DLG1: variants seen among roughly 807,000 people sequenced by gnomAD.
DLG1 encodes discs large MAGUK scaffold protein 1.
In DLG1, 42 loss-of-function variants were observed where a neutral mutation model predicts 123.4. The observed-to-expected ratio is 0.34, with a 90% confidence interval of 0.27 to 0.44. The LOEUF is 0.44. Among genes scored for constraint, DLG1 ranks in the 20% least tolerant of loss-of-function variants. The probability of loss-of-function intolerance (pLI) is 1.00; values close to 1 mark genes in which losing one functional copy is unlikely to be tolerated. For synonymous variants in DLG1, 317 were observed against 356.2 expected, an observed-to-expected ratio of 0.89 and a Z score of 1.24; for missense variants, 942 against 1,082.6, an observed-to-expected ratio of 0.87 and a Z score of 1.82.
chr3:197,164,846 C>T (rs1047708428), intron 5 of DLG1, among the ~76,000 whole-genome samples: 19 of 151,550 alleles, frequency 1.3e-4, no homozygotes, highest in Admixed American at 2.0e-4. Context: ...TGCTTGAACC[C>T]AGCAGGTGGA....
intron 11 of DLG1, among the ~76,000 whole-genome samples, chr3:197,129,584 T>C (rs138199112): frequency 1.3e-5 from 2 of 152,350 alleles, no homozygotes; most frequent in East Asian, 3.9e-4. Flanking sequence ...TTCCTTGGCA[T>C]TCACAACTTG....
At chr3:197,248,896 C>G (rs773697351) in intron 4 of DLG1, among the ~76,000 whole-genome samples, 27 of 152,100 alleles carry the variant, frequency 1.8e-4, no homozygotes, top group Non-Finnish European at 3.4e-4. Flanking sequence ...CTGTTCCTAA[C>G]ACTTGTGCAC....
intron 4 of DLG1, among the ~76,000 whole-genome samples, chr3:197,202,219 G>T (rs895977617): frequency 1.3e-5 from 2 of 152,158 alleles, no homozygotes; most frequent in African/African-American, 4.8e-5. Flanking sequence ...AACAATAAAT[G>T]TAACTGTATT....
At position 197,140,140 on chromosome 3, in the gene DLG1, C is replaced by T. The variant is rs781507202; in HGVS notation, c.713G>A (p.Arg238Gln). 1.4e-5 allele frequency: 22 copies of T among 1,611,550 alleles called. No homozygotes were observed. The highest frequency in any genetic ancestry group is 8.8e-5 in the South Asian group (8 of 90,612). Residue 238 changes from arginine (R) to glutamine (Q), a missense_variant and splice_region_variant, in exon 8 of 25, where the codon CGG (arginine) becomes CAG (glutamine). By Grantham distance (43) the Arg-to-Gln change is conservative (BLOSUM62 1). Coordinates refer to ENST00000667157, the MANE Select transcript of DLG1 (RefSeq NM_001366207.1). ...TCACAATAAAAAGCGCAAAACATAC[C>T]GCAATCTTCCATCTTGGGCGGCTGC... is the stretch of plus-strand genomic sequence containing the variant. ...GGAAAQDGRL[R>Q]VNDCILRVNE...
chr3:197,240,360 G>A lies in DLG1; in HGVS notation c.318+42319C>T, dbSNP rs149512702. Among the ~76,000 whole-genome samples the A allele has an allele frequency of 3.3e-4, 50 of 152,276 alleles. No individual in the cohort carries two copies. The East Asian group carries it at 9.1e-3, about 28-fold the overall frequency. On this transcript the variant is annotated intron_variant, in intron 4 of 24. Transcript: ENST00000667157. ...TTTACTAGAACCTAGGTGAACCTGG[G>A]CTTAAGGTAACTAGAGAGAGCTAAA...
chr3:197,254,201 G>A (rs570176364), intron 4 of DLG1, among the ~76,000 whole-genome samples: 1 of 152,338 alleles, frequency 6.6e-6, no homozygotes, highest in East Asian at 1.9e-4. Context: ...CCTTCATGGG[G>A]CATTTACTGA....
At chr3:197,232,762 A>G (rs1027767829) in intron 4 of DLG1, among the ~76,000 whole-genome samples, 1 of 152,220 alleles carries the variant, frequency 6.6e-6, no homozygotes, top group East Asian at 1.9e-4. Flanking sequence ...AAAAAAAAAA[A>G]AAACTATGAA....
intron 14 of DLG1, among the ~76,000 whole-genome samples, chr3:197,095,170 GA>G (rs1200541500): frequency 6.6e-6 from 1 of 151,918 alleles, no homozygotes; most frequent in African/African-American, 2.4e-5. Flanking sequence ...TGAACCATTT[GA>G]CAGCAATTTG....
At chr3:197,298,250 G>A (rs1778485879) in intron 1 of DLG1, 2 of 354,364 alleles carry the variant, frequency 5.6e-6, no homozygotes, top group Admixed American at 9.4e-5. Flanking sequence ...GGTTGGAAGG[G>A]GGAGGCGGGT....
intron 4 of DLG1, among the ~76,000 whole-genome samples, chr3:197,228,842 T>C (rs1009860941): frequency 6.6e-6 from 1 of 152,194 alleles, no homozygotes; most frequent in East Asian, 1.9e-4. Flanking sequence ...GTAGCAATTG[T>C]CATTTAATAA....
chr3:197,151,763 C>T (rs899615511), intron 5 of DLG1, among the ~76,000 whole-genome samples: 1 of 152,222 alleles, frequency 6.6e-6, no homozygotes, highest in Non-Finnish European at 1.5e-5. Flanking sequence ...TGGCATTCAG[C>T]CAAGTGCAGT....
intron 4 of DLG1, among the ~76,000 whole-genome samples, chr3:197,198,727 T>C (rs376176690): frequency 1.3e-5 from 2 of 152,128 alleles, no homozygotes; most frequent in Non-Finnish European, 2.9e-5. Flanking sequence ...CATAATGAGA[T>C]ACTACTTCAC....
rs114186297 is a variant in DLG1 at position 197,188,341 on chromosome 3, T to C, written c.483+6084A>G. On this transcript the variant is annotated intron_variant, in intron 5 of 24. Transcript: ENST00000667157. The stretch of plus-strand genomic sequence containing the variant: ...TGCTTTTTTCAGAAAACTCCAAGAA[T>C]TTAATTTCTCCCTCTTTCATGTCAC... Among the ~76,000 whole-genome samples, 1,282 of 152,280 alleles carry C rather than the reference T, an allele frequency of 8.4e-3. 18 individuals carry two copies. Among genetic ancestry groups the C allele is most frequent in the African/African-American group, 0.029 (1,214 of 41,548 alleles).
chr3:197,243,864 G>A (rs564747685), intron 4 of DLG1, among the ~76,000 whole-genome samples: 10 of 152,204 alleles, frequency 6.6e-5, no homozygotes, highest in South Asian at 4.1e-4. Context: ...CTCCAACGGC[G>A]TCTATATAAA....
At chr3:197,189,351 T>G (rs936742832) in intron 5 of DLG1, among the ~76,000 whole-genome samples, 3 of 152,210 alleles carry the variant, frequency 2.0e-5, no homozygotes, top group African/African-American at 7.2e-5. Context: ...AAAAACTTGA[T>G]ACATCATATT....
chr3:197,162,421 A>G (rs1799167241), intron 5 of DLG1, among the ~76,000 whole-genome samples: 1 of 152,202 alleles, frequency 6.6e-6, no homozygotes, highest in Non-Finnish European at 1.5e-5. Flanking sequence ...TGCTATATAA[A>G]TAAAATATCT....
At position 197,110,647 on chromosome 3, in the gene DLG1, T is replaced by G. The variant is rs150911775; in HGVS notation, c.1443+5280A>C. ...ACTCCAGATAGCAGAACTGTCCTCT[T>G]ATCTACGCTTGTCATTGCTGTCTGT... is the stretch of plus-strand genomic sequence containing the variant. On this transcript the variant is annotated intron_variant, in intron 13 of 24. Coordinates refer to ENST00000667157, the MANE Select transcript of DLG1 (RefSeq NM_001366207.1). Among the ~76,000 whole-genome samples the G allele has an allele frequency of 5.9e-5, 9 of 152,334 alleles. No individual in the cohort carries two copies. In the South Asian group the frequency reaches 1.2e-3, roughly 21 times the overall value.
intron 12 of DLG1, among the ~76,000 whole-genome samples, chr3:197,118,364 C>T (rs148233063): frequency 6.6e-6 from 1 of 152,210 alleles, no homozygotes; most frequent in Non-Finnish European, 1.5e-5. Flanking sequence ...TTGGATATTC[C>T]CATCACAAAC....
At chr3:197,295,236 G>T (rs933407820) in intron 3 of DLG1, among the ~76,000 whole-genome samples, 1 of 152,058 alleles carries the variant, frequency 6.6e-6, no homozygotes, top group Non-Finnish European at 1.5e-5. Flanking sequence ...TTTCAAAATT[G>T]TTCAGGTGCA....
Sources: gnomAD v4.1 joint callset for allele counts (sites outside exome capture counted in the v4.1 genomes callset) on GRCh38, gnomAD v4.1.1 for gene constraint, MANE v1.5 for transcripts, NCBI Gene and HGNC (gene_info 2026-07-23, HGNC 2026-07-21) for gene names.